GRID2: variants seen among roughly 807,000 people sequenced by gnomAD.
GRID2 encodes the protein glutamate receptor ionotropic, delta-2.
A neutral mutation model predicts 114.8 loss-of-function variants in GRID2; 33 were observed. The observed-to-expected ratio is 0.29, with a 90% confidence interval of 0.22 to 0.38. GRID2 has a LOEUF of 0.38. Ranked by LOEUF, GRID2 falls within the 10% of genes least tolerant of loss-of-function variation. The probability of loss-of-function intolerance (pLI) is 1.00; values close to 1 mark genes in which losing one functional copy is unlikely to be tolerated. For missense variants in GRID2, 1,184 were observed against 1,257.7 expected, an observed-to-expected ratio of 0.94 and a Z score of 0.89; for synonymous variants, 505 against 449.9, an observed-to-expected ratio of 1.12 and a Z score of -1.55.
intron 13 of GRID2, among the ~76,000 whole-genome samples, chr4:93,559,800 T>G (rs1734705810): frequency 6.6e-6 from 1 of 152,120 alleles, no homozygotes; most frequent in African/African-American, 2.4e-5. Flanking sequence ...TGCAGCACTA[T>G]TCACAGTAGC....
At chr4:92,352,514 A>T (rs542677428) in intron 1 of GRID2, among the ~76,000 whole-genome samples, 1 of 151,924 alleles carries the variant, frequency 6.6e-6, no homozygotes, top group East Asian at 1.9e-4. Flanking sequence ...GAGGATTTTT[A>T]GTTTTATCTA....
chr4:92,900,785 G>C (rs1271773937), intron 2 of GRID2, among the ~76,000 whole-genome samples: 1 of 124,912 alleles, frequency 8.0e-6, no homozygotes, highest in African/African-American at 3.1e-5. Context: ...AGTGAGACAA[G>C]ATCACGGCAC....
chr4:92,331,385 C>T (rs996634390), intron 1 of GRID2, among the ~76,000 whole-genome samples: 1 of 152,226 alleles, frequency 6.6e-6, no homozygotes, highest in South Asian at 2.1e-4. Flanking sequence ...GTTAGCTGAG[C>T]ATTGATCTGT....
At chr4:93,154,441 T>C in intron 4 of GRID2, among the ~76,000 whole-genome samples, 1 of 152,012 alleles carries the variant, frequency 6.6e-6, no homozygotes, top group South Asian at 2.1e-4. Flanking sequence ...CCTTTATCTC[T>C]TCTGATTTGT....
intron 4 of GRID2, among the ~76,000 whole-genome samples, chr4:93,117,906 A>G (rs1015000998): frequency 6.6e-6 from 1 of 152,218 alleles, no homozygotes; most frequent in African/African-American, 2.4e-5. Context: ...AGGCTTACAA[A>G]GAACCAAACC....
chr4:92,534,542 G>A (rs1725513229), intron 1 of GRID2, among the ~76,000 whole-genome samples: 1 of 152,146 alleles, frequency 6.6e-6, no homozygotes, highest in African/African-American at 2.4e-5. Flanking sequence ...GTGACCACAG[G>A]TGAGATAATT....
intron 1 of GRID2, among the ~76,000 whole-genome samples, chr4:92,518,976 T>A (rs530819166): frequency 6.6e-6 from 1 of 151,848 alleles, no homozygotes; most frequent in Non-Finnish European, 1.5e-5. Context: ...TGATACTGGA[T>A]AATTTTCTGA....
At chr4:92,361,258 G>T (rs991232578) in intron 1 of GRID2, among the ~76,000 whole-genome samples, 1 of 151,884 alleles carries the variant, frequency 6.6e-6, no homozygotes, top group Non-Finnish European at 1.5e-5. Flanking sequence ...TTTAACCTTC[G>T]CAGGTAAGTC....
At chr4:93,380,018 G>A (rs1365899857) in intron 8 of GRID2, among the ~76,000 whole-genome samples, 6 of 152,016 alleles carry the variant, frequency 3.9e-5, no homozygotes, top group Admixed American at 3.9e-4. Flanking sequence ...AAGTTAAATG[G>A]TGCCCAACCC....
At chr4:92,614,414 A>G (rs1177734546) in intron 2 of GRID2, among the ~76,000 whole-genome samples, 1 of 151,646 alleles carries the variant, frequency 6.6e-6, no homozygotes, top group Non-Finnish European at 1.5e-5. Context: ...AAATGTAAAC[A>G]TGTTGTATTT....
intron 10 of GRID2, among the ~76,000 whole-genome samples, chr4:93,433,914 G>C (rs751530395): frequency 6.6e-6 from 1 of 152,130 alleles, no homozygotes; most frequent in Non-Finnish European, 1.5e-5. Context: ...AAAGCTGTGA[G>C]AATCTAGCGT....
chr4:92,316,307 G>A (rs1481817024), intron 1 of GRID2, among the ~76,000 whole-genome samples: 3 of 152,126 alleles, frequency 2.0e-5, no homozygotes, highest in Admixed American at 6.6e-5. Context: ...TTCTTAAATG[G>A]TTTTTCAATT....
chr4:92,709,787 C>T lies in GRID2; in HGVS notation c.244+119501C>T, dbSNP rs570489424. Among the ~76,000 whole-genome samples, 86 of 151,712 alleles carry T rather than the reference C, an allele frequency of 5.7e-4. No homozygotes were observed. The Middle Eastern group carries it at 0.01, about 18-fold the overall frequency. Reference sequence around the variant, plus strand: ...TCAGGTTAGAGTGAACCTGATCTAACGTTACAAAGGTCAAATATATTTCCT... The same window carrying T: ...TCAGGTTAGAGTGAACCTGATCTAATGTTACAAAGGTCAAATATATTTCCT... On this transcript the variant is annotated intron_variant, in intron 2 of 15. Transcript: ENST00000282020.
At chr4:93,194,608 T>C (rs17020250) in intron 4 of GRID2, among the ~76,000 whole-genome samples, 2,998 of 152,290 alleles carry the variant, frequency 0.02, 90 homozygotes, top group African/African-American at 0.068. Flanking sequence ...AAACTCTGTC[T>C]TGCTTGTTGA....
intron 8 of GRID2, among the ~76,000 whole-genome samples, chr4:93,311,949 A>G (rs1378163815): frequency 6.6e-6 from 1 of 152,194 alleles, no homozygotes; most frequent in Non-Finnish European, 1.5e-5. Flanking sequence ...ATAATTTGGG[A>G]TGAGAAAGAG....
At chr4:92,406,600 T>C (rs1220167811) in intron 1 of GRID2, among the ~76,000 whole-genome samples, 3 of 151,898 alleles carry the variant, frequency 2.0e-5, no homozygotes, top group African/African-American at 7.3e-5. Flanking sequence ...GTTTGTTACA[T>C]GGGTAAATTG....
chr4:92,518,103 C>T (rs1375067485), intron 1 of GRID2, among the ~76,000 whole-genome samples: 3 of 151,756 alleles, frequency 2.0e-5, no homozygotes, highest in Admixed American at 1.3e-4. Flanking sequence ...GTGTCTGTGC[C>T]TCCCATCTTC....
intron 4 of GRID2, among the ~76,000 whole-genome samples, chr4:93,201,109 C>T (rs1436441260): frequency 6.6e-6 from 1 of 152,130 alleles, no homozygotes; most frequent in Non-Finnish European, 1.5e-5. Context: ...AGATTGCACT[C>T]ACAAGCACAA....
At chr4:93,447,997 T>C (rs1560628678) in intron 10 of GRID2, among the ~76,000 whole-genome samples, 1 of 151,902 alleles carries the variant, frequency 6.6e-6, no homozygotes, top group African/African-American at 2.4e-5. Flanking sequence ...CAAACAGGGT[T>C]TATTACAGAA....
Sources: allele counts gnomAD v4.1 joint callset (sites outside exome capture counted in the v4.1 genomes callset), GRCh38; gene constraint gnomAD v4.1.1; transcripts MANE v1.5; gene names NCBI Gene and HGNC (gene_info 2026-07-23, HGNC 2026-07-21).